Variants in USP39 observed in about 807,000 individuals in gnomAD.
USP39 encodes the protein ubiquitin specific peptidase 39, also known as ubiquitin carboxyl-terminal hydrolase 39.
In USP39, 38 loss-of-function variants were observed where a neutral mutation model predicts 66.4. That is an observed-to-expected ratio of 0.57 (90% confidence interval 0.44 to 0.75). The LOEUF (loss-of-function observed/expected upper bound fraction) is 0.75. USP39 is among the 30% of genes least tolerant of loss of function. The pLI is 0.00. For missense variants in USP39, 608 were observed against 714.4 expected, an observed-to-expected ratio of 0.85 and a Z score of 1.70; for synonymous variants, 303 against 274.6, an observed-to-expected ratio of 1.10 and a Z score of -1.02.
chr2:85,616,792 C>T (rs1674010662), intron 1 of USP39, among the ~76,000 whole-genome samples: 2 of 151,486 alleles, frequency 1.3e-5, no homozygotes, highest in Admixed American at 1.3e-4. Context: ...ATTCTCCTAC[C>T]TCCGCCTCCC....
chr2:85,639,442 C>T (rs1676060781), intron 9 of USP39, 51 bp downstream of exon 9: 2 of 1,245,868 alleles, frequency 1.6e-6, no homozygotes. Context: ...GCTCTCTCGA[C>T]TTTTTCATTT....
intron 3 of USP39, among the ~76,000 whole-genome samples, chr2:85,622,181 C>T (rs1020975364): frequency 6.7e-6 from 1 of 148,870 alleles, no homozygotes; most frequent in Non-Finnish European, 1.5e-5. Flanking sequence ...AGTGCAGTGA[C>T]GTGATCTTGG....
chr2:85,611,604 G>A (rs1483157482), upstream of USP39: 6 of 1,555,410 alleles, frequency 3.9e-6, no homozygotes, highest in Admixed American at 9.8e-5. Context: ...TTTCCCTATA[G>A]AGAAGGGGAG....
chr2:85,604,092 G>C (rs1295339450), intron 1 of USP39, among the ~76,000 whole-genome samples: 1 of 152,212 alleles, frequency 6.6e-6, no homozygotes, highest in Non-Finnish European at 1.5e-5. Context: ...AAGGCTATGT[G>C]AAACAACAGG....
At chr2:85,641,946 A>AAAG (rs1573446661) in intron 10 of USP39, among the ~76,000 whole-genome samples, 2 of 150,026 alleles carry the variant, frequency 1.3e-5, no homozygotes, top group East Asian at 3.9e-4. Flanking sequence ...AAGAAAGAAA[A>AAAG]TAGTGTCAGT....
Position 85,649,017 on chromosome 2 carries a change from A to G in USP39, c.*209A>G, listed in dbSNP as rs1676859913. The G allele has an allele frequency of 3.2e-6, 2 of 620,872 alleles. No homozygotes were observed. Among genetic ancestry groups the G allele is most frequent in the African/African-American group, 1.8e-5 (1 of 54,276 alleles). 38.5% of individuals were successfully genotyped at this position (620,872 alleles called of 1,614,324 possible). ...CTGTTCTTTGATCATTTTTTTCTAG[A>G]TTGATGCTCCTTTCTCCCATGCATT... On this transcript the variant is annotated 3_prime_UTR_variant, in exon 13 of 13. Transcript: ENST00000323701.
intron 11 of USP39, 194 bp downstream of exon 11, chr2:85,645,277 CTTTT>C (rs61391085): frequency 4.7e-3 from 1,734 of 365,440 alleles, no homozygotes; most frequent in Middle Eastern, 6.5e-3. Context: ...ACCTTGGGAG[CTTTT>C]TTTTTTTTTT....
At chr2:85,612,655 ATTTTTCCTTTT>A (rs1208153483), upstream of USP39, among the ~76,000 whole-genome samples, 1 of 147,290 alleles carries the variant, frequency 6.8e-6, no homozygotes, top group East Asian at 2.0e-4. Flanking sequence ...TTTTTTATTT[ATTTTTCCTTTT>A]TTTTTTCTTT....
At chr2:85,619,370 C>A in intron 2 of USP39, 81 bp downstream of exon 2, 1 of 1,437,398 alleles carries the variant, frequency 7.0e-7, no homozygotes, top group Non-Finnish European at 9.5e-7. Flanking sequence ...CAGTGAACAA[C>A]ACATTGACAA....
At chr2:85,629,261 A>C (rs772144000) in intron 5 of USP39, among the ~76,000 whole-genome samples, 2 of 151,726 alleles carry the variant, frequency 1.3e-5, no homozygotes, top group Admixed American at 6.6e-5. Flanking sequence ...CGGTTTCACC[A>C]TGTTGGCCTG....
intron 8 of USP39, among the ~76,000 whole-genome samples, chr2:85,638,385 G>A (rs1017137576): frequency 1.3e-5 from 2 of 151,664 alleles, no homozygotes; most frequent in Admixed American, 6.6e-5. Context: ...CTCAGGCTGA[G>A]TGTGGTGGCG....
At chr2:85,623,834 AG>A (rs780442351) in intron 4 of USP39, 52 bp downstream of exon 4, 1 of 1,545,712 alleles carries the variant, frequency 6.5e-7, no homozygotes, top group Non-Finnish European at 8.7e-7. Flanking sequence ...GAGCCATCCC[AG>A]GGCTCCCAGG....
Position 85,647,964 on chromosome 2 carries a change from A to G in USP39, c.1598A>G (p.Gln533Arg). Reference protein sequence around the residue: ...TGKWYELQDLQVTDILPQMIT... With the variant: ...TGKWYELQDLRVTDILPQMIT... ...AAATGGTATGAATTACAAGACCTCC[A>G]GGTGACTGACATCCTTCCCCAGATG... The change falls in exon 12 of 13, where the codon CAG becomes CGG. Residue 533 changes from glutamine (Q) to arginine (R), a missense_variant. This residue lies in a region of USP39 where 164 missense variants were observed against 250.3 expected (regional missense o/e 0.66). Transcript: ENST00000323701. The G allele has an allele frequency of 6.2e-7, 1 of 1,614,176 alleles. No individual in the cohort carries two copies. Among genetic ancestry groups the G allele is most frequent in the Non-Finnish European group, 8.5e-7 (1 of 1,180,030 alleles).
chr2:85,641,840 G>A (rs1310907376), intron 10 of USP39, among the ~76,000 whole-genome samples: 1 of 150,652 alleles, frequency 6.6e-6, no homozygotes, highest in African/African-American at 2.4e-5. Flanking sequence ...GGAGATTGAG[G>A]CTGCAGTGAG....
At chr2:85,609,303 G>A (rs911054165), upstream of USP39, 18 of 1,359,768 alleles carry the variant, frequency 1.3e-5, 1 homozygote, top group South Asian at 1.3e-4. Flanking sequence ...AGCACTGCCC[G>A]GCAGGCCTAG....
chr2:85,609,569 G>C (rs369096715), upstream of USP39: 1 of 1,614,092 alleles, frequency 6.2e-7, no homozygotes, highest in African/African-American at 1.3e-5. Flanking sequence ...TCTGGGTTGC[G>C]TGGGTGGGCA....
chr2:85,616,180 T>TCGGCCGGTAGTGGAGATGTC (rs546777974), upstream of USP39: 11,620 of 1,422,876 alleles, frequency 8.2e-3, 63 homozygotes, highest in Middle Eastern at 0.016. Flanking sequence ...GCTGGACGAC[T>TCGGCCGGTAGTGGAGATGTC]CGGCCGGTAG....
Position 85,647,987 on chromosome 2 carries a change from A to C in USP39, c.1621A>C (p.Met541Leu), listed in dbSNP as rs1405966161. 6.2e-7 allele frequency: 1 copy of C among 1,614,072 alleles called. No homozygotes were observed. The highest frequency in any genetic ancestry group is 1.3e-5 in the African/African-American group (1 of 74,936). Residue 541 changes from methionine (M) to leucine (L), a missense_variant, in exon 12 of 13, where the codon ATG becomes CTG. Transcript: ENST00000323701. ...DLQVTDILPQMITLSEAYIQI... is the reference protein window; with the variant it reads ...DLQVTDILPQLITLSEAYIQI... ...CCAGGTGACTGACATCCTTCCCCAG[A>C]TGATCACACTGTCAGAGGCTTACAT...
chr2:85,621,173 G>A (rs78661399), intron 2 of USP39: 2,666 of 203,782 alleles, frequency 0.013, 69 homozygotes, highest in African/African-American at 0.058. Context: ...CTGGGGTACT[G>A]TTACCTTAGT....
Sources: gnomAD v4.1 joint callset for allele counts (sites outside exome capture counted in the v4.1 genomes callset) on GRCh38, gnomAD v4.1.1 for gene constraint, gnomAD v4.1.1 regional missense constraint, MANE v1.5 for transcripts, NCBI Gene and HGNC (gene_info 2026-07-23, HGNC 2026-07-21) for gene names.